LARGE1: variants seen among roughly 807,000 people sequenced by gnomAD.
LARGE1 encodes the protein LARGE xylosyl- and glucuronyltransferase 1.
LARGE1 carries 43 observed loss-of-function variants against 87.6 expected under a neutral mutation model. The observed-to-expected ratio is 0.49, with a 90% CI of 0.38 to 0.63. LARGE1 has a LOEUF of 0.63. Ranked by LOEUF, LARGE1 falls within the 30% of genes least tolerant of loss-of-function variation. LARGE1 has a pLI of 0.00. For missense variants in LARGE1, 802 were observed against 1,000.2 expected (o/e 0.80, Z 2.67); for synonymous variants, 434 against 394.6 (o/e 1.10, Z -1.18).
intron 7 of LARGE1, among the ~76,000 whole-genome samples, chr22:33,409,463 G>A (rs1332669435): frequency 6.6e-6 from 1 of 152,082 alleles, no homozygotes; most frequent in Non-Finnish European, 1.5e-5. Context: ...TCTCCATCAG[G>A]GCACTTCTGC....
At chr22:33,688,789 T>C (rs1361784063) in intron 2 of LARGE1, among the ~76,000 whole-genome samples, 1 of 152,156 alleles carries the variant, frequency 6.6e-6, no homozygotes, top group Non-Finnish European at 1.5e-5. Flanking sequence ...CTTGCTGGGC[T>C]GGTCATTAAG....
chr22:33,271,018 T>A (rs148975397), downstream of LARGE1, among the ~76,000 whole-genome samples: 3 of 152,224 alleles, frequency 2.0e-5, no homozygotes, highest in South Asian at 6.2e-4. Context: ...TCCCCTAGAG[T>A]GGAACCCAGC....
intron 1 of LARGE1, among the ~76,000 whole-genome samples, chr22:33,837,267 C>CAA (rs1044632060): frequency 1.3e-5 from 2 of 151,824 alleles, no homozygotes; most frequent in African/African-American, 2.4e-5. Flanking sequence ...TACACACACA[C>CAA]ACACACACAC....
At chr22:33,697,843 T>A (rs2082298101) in intron 2 of LARGE1, among the ~76,000 whole-genome samples, 1 of 152,222 alleles carries the variant, frequency 6.6e-6, no homozygotes, top group Non-Finnish European at 1.5e-5. Context: ...TGTGTGGTCA[T>A]CCTTGCCTGG....
chr22:33,102,816 C>T, the LARGE1 span, among the ~76,000 whole-genome samples: 2 of 152,076 alleles, frequency 1.3e-5, no homozygotes, highest in South Asian at 2.1e-4. Context: ...TACGAGCCTG[C>T]ACTCCCGGCC....
In LARGE1 at chr22:33,334,420, A is replaced by C. The variant is rs767698369; in HGVS notation, c.1287+3226T>G. ...GCAAGACTCTGTCTCAAAAAAAAAAAAACAAAAAAAAAAAACACCAAACAA... is the reference window on the plus strand; with the variant it reads ...GCAAGACTCTGTCTCAAAAAAAAAACAACAAAAAAAAAAAACACCAAACAA... On this transcript the variant is annotated intron_variant, in intron 10 of 14. Transcript: ENST00000397394. Among the ~76,000 whole-genome samples, 11 of 61,946 alleles carry C rather than the reference A, an allele frequency of 1.8e-4. 1 individual carries two copies. The East Asian group carries it at 2.9e-3, about 16-fold the overall frequency. 40.6% of individuals were successfully genotyped at this position (61,946 alleles called of 152,430 possible).
the LARGE1 span, among the ~76,000 whole-genome samples, chr22:33,146,916 T>C: frequency 6.6e-6 from 1 of 152,212 alleles, no homozygotes; most frequent in Non-Finnish European, 1.5e-5. Context: ...GTCTGTAATG[T>C]TCAACCCATT....
At chr22:33,492,707 A>C (rs2069906814) in intron 6 of LARGE1, among the ~76,000 whole-genome samples, 1 of 152,194 alleles carries the variant, frequency 6.6e-6, no homozygotes, top group African/African-American at 2.4e-5. Context: ...ATTTCTTTGA[A>C]GTCTCAATTT....
At chr22:33,482,102 T>A (rs2069355497) in intron 6 of LARGE1, among the ~76,000 whole-genome samples, 3 of 152,220 alleles carry the variant, frequency 2.0e-5, no homozygotes, top group African/African-American at 7.2e-5. Context: ...CTGTTAAGTG[T>A]TATCAAAATG....
intron 6 of LARGE1, among the ~76,000 whole-genome samples, chr22:33,543,453 C>T (rs561471452): frequency 1.3e-5 from 2 of 152,192 alleles, no homozygotes; most frequent in Non-Finnish European, 2.9e-5. Flanking sequence ...CAAAAGTTTA[C>T]AAATGCCTAT....
At chr22:33,838,975 T>A (rs2063190433) in intron 1 of LARGE1, among the ~76,000 whole-genome samples, 1 of 152,208 alleles carries the variant, frequency 6.6e-6, no homozygotes, top group African/African-American at 2.4e-5. Context: ...AAACCAATGC[T>A]TTTACCTAAA....
intron 9 of LARGE1, among the ~76,000 whole-genome samples, chr22:33,359,866 C>T (rs893600129): frequency 2.0e-5 from 3 of 149,566 alleles, no homozygotes; most frequent in African/African-American, 7.4e-5. Context: ...ACCCAGCCAG[C>T]AGACTCATCT....
chr22:33,466,558 T>C (rs186371662), intron 6 of LARGE1, among the ~76,000 whole-genome samples: 3 of 152,188 alleles, frequency 2.0e-5, no homozygotes, highest in Non-Finnish European at 4.4e-5. Context: ...ATGTTACTTG[T>C]CATCCCAGGT....
At chr22:33,379,151 A>G (rs16992215) in intron 9 of LARGE1, among the ~76,000 whole-genome samples, 2,846 of 149,630 alleles carry the variant, frequency 0.019, 99 homozygotes, top group African/African-American at 0.067. Flanking sequence ...CCAGAGGTCC[A>G]TGGAACTTTC....
At chr22:33,306,767 G>A (rs1443146695) in intron 11 of LARGE1, among the ~76,000 whole-genome samples, 3 of 151,616 alleles carry the variant, frequency 2.0e-5, no homozygotes, top group Non-Finnish European at 4.4e-5. Flanking sequence ...CCAGCTACTT[G>A]TGAGGCTGAC....
chr22:33,213,788 C>G (rs1925071237), intron 11 of LARGE1, among the ~76,000 whole-genome samples: 1 of 152,070 alleles, frequency 6.6e-6, no homozygotes, highest in East Asian at 1.9e-4. Context: ...ACTGGGAAAC[C>G]AAAAACTTTG....
chr22:33,297,079 C>G (rs2146059839), intron 12 of LARGE1, among the ~76,000 whole-genome samples: 1 of 152,262 alleles, frequency 6.6e-6, no homozygotes, highest in South Asian at 2.1e-4. Context: ...GGAAATGTTA[C>G]CTGGTAATGT....
chr22:33,837,017 T>A (rs12483818), intron 1 of LARGE1, among the ~76,000 whole-genome samples: 29,194 of 151,932 alleles, frequency 0.19, 3,295 homozygotes, highest in Admixed American at 0.34. Flanking sequence ...TATAGAAGAA[T>A]GTGGCTAGAA....
intron 1 of LARGE1, among the ~76,000 whole-genome samples, chr22:33,785,203 A>G (rs534478386): frequency 6.6e-6 from 1 of 150,624 alleles, no homozygotes; most frequent in South Asian, 2.1e-4. Flanking sequence ...ATGTGTATAC[A>G]TACATATGTG....
Sources: allele counts gnomAD v4.1 joint callset (sites outside exome capture counted in the v4.1 genomes callset), GRCh38; gene constraint gnomAD v4.1.1; transcripts MANE v1.5; gene names NCBI Gene and HGNC (gene_info 2026-07-23, HGNC 2026-07-21).